The following SUSD1 variants were observed in gnomAD, a reference collection of about 807,000 sequenced individuals.
The protein encoded by SUSD1 is sushi domain-containing protein 1.
SUSD1 carries 65 observed loss-of-function variants against 86.9 expected under a neutral mutation model. That is an observed-to-expected ratio of 0.75 (90% CI 0.61 to 0.92). SUSD1 has a LOEUF of 0.92. SUSD1 is among the 40% of genes least tolerant of loss of function. The pLI is 0.00. For synonymous variants in SUSD1, 346 were observed against 350.0 expected (o/e 0.99, Z 0.13); for missense variants, 850 against 929.7 (o/e 0.91, Z 1.11).
At chr9:112,046,268 T>A (rs1467232769) in intron 15 of SUSD1, among the ~76,000 whole-genome samples, 1 of 152,252 alleles carries the variant, frequency 6.6e-6, no homozygotes, top group Non-Finnish European at 1.5e-5. Context: ...TTGTATTTTT[T>A]ATAGCCTCAC....
intron 7 of SUSD1, among the ~76,000 whole-genome samples, chr9:112,112,558 C>G (rs1229960201): frequency 6.6e-6 from 1 of 152,022 alleles, no homozygotes; most frequent in African/African-American, 2.4e-5. Context: ...ATCGCTTGAA[C>G]CCGGGAGGCT....
chr9:112,081,335 C>T (rs1829759896), intron 10 of SUSD1, among the ~76,000 whole-genome samples: 1 of 152,218 alleles, frequency 6.6e-6, no homozygotes, highest in South Asian at 2.1e-4. Context: ...GACACGACTC[C>T]TCTCTATGGA....
At position 112,068,720 on chromosome 9, in the gene SUSD1, T is replaced by A. The variant is rs113198130; in HGVS notation, c.1754-5687A>T. ...GTCTCAAAAAAAAAAAAAAAAAATA[T>A]TTTTAGCCGTTCTGCACTTCAAAAA... On this transcript the variant is annotated intron_variant, in intron 12 of 16. Transcript: ENST00000374270. 0.019 allele frequency among the ~76,000 whole-genome samples: 2,536 copies of A among 136,594 alleles called. 130 individuals are homozygous for A. In the East Asian group the frequency reaches 0.21, roughly 11 times the overall value. The allele number at this position is 136,594 out of a possible 152,430, so 89.6% of individuals were successfully genotyped here. A position where few individuals can be genotyped will look rare whatever the true frequency, so the allele number is the denominator to read the frequency against.
intron 3 of SUSD1, among the ~76,000 whole-genome samples, chr9:112,147,663 G>A (rs1295814901): frequency 6.6e-6 from 1 of 152,030 alleles, no homozygotes; most frequent in Non-Finnish European, 1.5e-5. Context: ...CAGCTACTCA[G>A]GAGGCTGAAG....
chr9:112,134,804 A>C lies in SUSD1; in HGVS notation c.706+7516T>G, dbSNP rs183302531. Among the ~76,000 whole-genome samples, 584 of 151,988 alleles carry C rather than the reference A, an allele frequency of 3.8e-3. 8 individuals carry two copies. The highest frequency in any genetic ancestry group is 0.013 in the African/African-American group (560 of 41,482). On this transcript the variant is annotated intron_variant, in intron 5 of 16. Coordinates refer to ENST00000374270, the MANE Select transcript of SUSD1 (RefSeq NM_022486.5). ...AAAATGTGGCCAGGCACGGTGGCTCACCCCTGTAATCCCAGCATTTTGGGA... is the reference window on the plus strand; with the variant it reads ...AAAATGTGGCCAGGCACGGTGGCTCCCCCCTGTAATCCCAGCATTTTGGGA...
Position 112,157,675 on chromosome 9 carries a change from T to C in SUSD1, c.104-62A>G, listed in dbSNP as rs77376514. The C allele has an allele frequency of 1.1e-4, 158 of 1,411,838 alleles. No homozygotes were observed. The African/African-American group carries it at 1.9e-3, about 17-fold the overall frequency. The allele number at this position is 1,411,838 out of a possible 1,614,324, so 87.5% of individuals were successfully genotyped here. On this transcript the variant is annotated intron_variant, in intron 1 of 16. Coordinates refer to ENST00000374270, the MANE Select transcript of SUSD1 (RefSeq NM_022486.5). ...TGCAAGATGAGACACATGTAGTTAG[T>C]GGACATTTACAACGAAGAACCAAAA...
intron 14 of SUSD1, among the ~76,000 whole-genome samples, chr9:112,055,367 C>T (rs1828402805): frequency 6.6e-6 from 1 of 152,154 alleles, no homozygotes; most frequent in African/African-American, 2.4e-5. Flanking sequence ...GTCAAGGCTG[C>T]AGTGACCTGT....
intron 5 of SUSD1, among the ~76,000 whole-genome samples, chr9:112,140,966 T>C: frequency 6.6e-6 from 1 of 152,288 alleles, no homozygotes; most frequent in South Asian, 2.1e-4. Flanking sequence ...ATAGAAATGA[T>C]ACAGTAAAAA....
Position 112,113,937 on chromosome 9 carries a change from TAATAA to T in SUSD1, c.887-1074_887-1070del, listed in dbSNP as rs1279757431. Among the ~76,000 whole-genome samples the T allele has an allele frequency of 1.3e-5, 2 of 151,190 alleles. No individual in the cohort carries two copies. The highest frequency in any genetic ancestry group is 4.9e-5 in the African/African-American group (2 of 41,082). On this transcript the variant is annotated intron_variant, in intron 6 of 16. Coordinates refer to ENST00000374270, the MANE Select transcript of SUSD1 (RefSeq NM_022486.5). The surrounding 1 kb of genome is among the most constrained non-coding windows in gnomAD (Gnocchi z 4.1). The stretch of plus-strand genomic sequence containing the variant: ...ACGGAGCAAAACTCCATCTCAAAAG[TAATAA>T]AATAAAATAAAATAAACTTCCTACA...
At chr9:112,063,184 C>G in intron 12 of SUSD1, 151 bp from the exon 13 acceptor site, 2 of 491,918 alleles carry the variant, frequency 4.1e-6, no homozygotes, top group South Asian at 5.6e-5. Flanking sequence ...GAAGAACATG[C>G]TAAGTGAAAT....
At chr9:112,057,883 T>C (rs554832686) in intron 14 of SUSD1, among the ~76,000 whole-genome samples, 31 of 152,292 alleles carry the variant, frequency 2.0e-4, no homozygotes, top group African/African-American at 7.5e-4. Flanking sequence ...CCCTGACTGA[T>C]TAATGCAGCT....
At chr9:112,131,634 A>G (rs1304264541) in intron 5 of SUSD1, among the ~76,000 whole-genome samples, 1 of 152,202 alleles carries the variant, frequency 6.6e-6, no homozygotes, top group Admixed American at 6.6e-5. Flanking sequence ...TAAAAATATA[A>G]TCCTATTTAA....
chr9:112,168,210 T>A (rs1015063560), intron 1 of SUSD1, among the ~76,000 whole-genome samples: 4 of 152,204 alleles, frequency 2.6e-5, no homozygotes, highest in Non-Finnish European at 2.9e-5. Context: ...AAGAAGGTAC[T>A]AACACTGGTG....
rs529470594 is a variant in SUSD1, at chr9:112,142,961, CTTTTTTTTTTTT to C, written c.527-474_527-463del. On this transcript the variant is annotated intron_variant, in intron 4 of 16. Coordinates refer to ENST00000374270, the MANE Select transcript of SUSD1 (RefSeq NM_022486.5). ...AATCCTTTAAGTTTATGAATTTTAG[CTTTTTTTTTTTT>C]TTTTTTTTTTTTTTTTTTTTTTTTT... is the stretch of plus-strand genomic sequence containing the variant. 7.6e-3 allele frequency among the ~76,000 whole-genome samples: 231 copies of C among 30,218 alleles called. 5 individuals carry two copies. The highest frequency in any genetic ancestry group is 0.02 in the African/African-American group (216 of 10,604). 19.8% of individuals were successfully genotyped at this position (30,218 alleles called of 152,430 possible).
intron 1 of SUSD1, among the ~76,000 whole-genome samples, chr9:112,171,876 G>A (rs374294016): frequency 1.4e-4 from 21 of 151,948 alleles, no homozygotes; most frequent in East Asian, 3.9e-4. Flanking sequence ...TGCTACCTTC[G>A]TTTTCCTTCT....
chr9:112,165,473 G>A (rs1055483456), intron 1 of SUSD1, among the ~76,000 whole-genome samples: 1 of 140,764 alleles, frequency 7.1e-6, no homozygotes, highest in East Asian at 2.1e-4. Flanking sequence ...GCATTGGCAC[G>A]ATCACAGCTC....
chr9:112,165,989 G>GAA (rs1290080430), intron 1 of SUSD1, among the ~76,000 whole-genome samples: 1 of 151,560 alleles, frequency 6.6e-6, no homozygotes, highest in African/African-American at 2.4e-5. Flanking sequence ...AAGAAAGAAA[G>GAA]AAAGAAAATA....
intron 6 of SUSD1, among the ~76,000 whole-genome samples, chr9:112,124,023 T>A (rs1831660695): frequency 6.6e-6 from 1 of 152,130 alleles, no homozygotes; most frequent in African/African-American, 2.4e-5. Context: ...CACAGCGATT[T>A]AAGGTGGGTC....
chr9:112,108,248 T>C (rs1293424330), intron 8 of SUSD1, among the ~76,000 whole-genome samples: 1 of 152,210 alleles, frequency 6.6e-6, no homozygotes, highest in Non-Finnish European at 1.5e-5. Flanking sequence ...ATAGCAATTA[T>C]ATCATGCCTT....
Sources: allele counts gnomAD v4.1 joint callset (sites outside exome capture counted in the v4.1 genomes callset), GRCh38; gene constraint gnomAD v4.1.1; non-coding constraint Gnocchi (gnomAD v3.1); transcripts MANE v1.5; gene names NCBI Gene and HGNC (gene_info 2026-07-23, HGNC 2026-07-21).